The following GALNT13 variants were observed in gnomAD, a reference collection of about 807,000 sequenced individuals.
GALNT13 encodes polypeptide N-acetylgalactosaminyltransferase 13, also known as UDP-GalNAc:polypeptide N-acetylgalactosaminyltransferase 13.
GALNT13 carries 28 observed loss-of-function variants against 64.2 expected under a neutral mutation model. That is an observed-to-expected ratio of 0.44 (90% CI 0.32 to 0.60). The LOEUF (loss-of-function observed/expected upper bound fraction) is 0.60, where lower values mean the gene tolerates loss of function less well. Among genes scored for constraint, GALNT13 ranks in the 20% least tolerant of loss-of-function variants. GALNT13 has a pLI of 0.05. For synonymous variants in GALNT13, 214 were observed against 224.6 expected, an observed-to-expected ratio of 0.95 and a Z score of 0.42; for missense variants, 577 against 669.8, an observed-to-expected ratio of 0.86 and a Z score of 1.53.
the GALNT13 span, among the ~76,000 whole-genome samples, chr2:153,551,923 T>G: frequency 6.6e-6 from 1 of 152,122 alleles, no homozygotes; most frequent in Admixed American, 6.5e-5. Context: ...AAGAGTGAAC[T>G]GAGCCCTGGG....
At chr2:153,989,124 T>C (rs189604847) in intron 3 of GALNT13, among the ~76,000 whole-genome samples, 1 of 152,140 alleles carries the variant, frequency 6.6e-6, no homozygotes, top group African/African-American at 2.4e-5. Context: ...TCAAGGACAT[T>C]TCTAAAGAAT....
chr2:153,648,844 G>A, the GALNT13 span, among the ~76,000 whole-genome samples: 2 of 152,216 alleles, frequency 1.3e-5, no homozygotes, highest in East Asian at 3.9e-4. Context: ...TAAGCTTTTT[G>A]ATGTGTTGCT....
At chr2:153,838,012 T>C in the GALNT13 span, among the ~76,000 whole-genome samples, 3 of 152,092 alleles carry the variant, frequency 2.0e-5, no homozygotes, top group Non-Finnish European at 2.9e-5. Context: ...AATTCTTTGA[T>C]AATTAGTTGA....
At chr2:153,694,733 TAA>T in the GALNT13 span, among the ~76,000 whole-genome samples, 1 of 152,258 alleles carries the variant, frequency 6.6e-6, no homozygotes, top group African/African-American at 2.4e-5. Context: ...TTTGCTTAAG[TAA>T]AAAAATTTTA....
At chr2:153,133,059 T>G in the GALNT13 span, among the ~76,000 whole-genome samples, 1 of 151,228 alleles carries the variant, frequency 6.6e-6, no homozygotes, top group Non-Finnish European at 1.5e-5. Flanking sequence ...TTTTTTTGGT[T>G]TTTGAAACGA....
the GALNT13 span, among the ~76,000 whole-genome samples, chr2:153,512,223 C>G: frequency 2.6e-5 from 4 of 152,106 alleles, no homozygotes; most frequent in African/African-American, 9.7e-5. Flanking sequence ...GAGGATGACC[C>G]TAGAGTTTGT....
chr2:153,493,966 C>T, the GALNT13 span, among the ~76,000 whole-genome samples: 64 of 151,970 alleles, frequency 4.2e-4, no homozygotes, highest in Admixed American at 1.2e-3. Flanking sequence ...TATACAAGCA[C>T]GGCTCCACCA....
At chr2:153,618,834 C>A in the GALNT13 span, among the ~76,000 whole-genome samples, 1 of 151,920 alleles carries the variant, frequency 6.6e-6, no homozygotes, top group African/African-American at 2.4e-5. Context: ...ATAAGTGTAG[C>A]AACTTCTGCT....
At chr2:154,373,341 T>C (rs986727877) in intron 9 of GALNT13, among the ~76,000 whole-genome samples, 1 of 152,186 alleles carries the variant, frequency 6.6e-6, no homozygotes, top group African/African-American at 2.4e-5. Context: ...ACTTGTCATT[T>C]AAATTGAGGC....
chr2:153,162,972 T>G, the GALNT13 span, among the ~76,000 whole-genome samples: 2 of 152,118 alleles, frequency 1.3e-5, no homozygotes, highest in Admixed American at 1.3e-4. Flanking sequence ...CGATTGAAAG[T>G]TGTGGCCTTT....
intron 8 of GALNT13, among the ~76,000 whole-genome samples, chr2:154,283,482 G>C (rs533211654): frequency 8.0e-5 from 12 of 150,346 alleles, no homozygotes; most frequent in Non-Finnish European, 1.3e-4. Context: ...TGAGAGAATG[G>C]TATCTTTAAT....
At chr2:153,259,879 CTTCT>C in the GALNT13 span, among the ~76,000 whole-genome samples, 4 of 152,122 alleles carry the variant, frequency 2.6e-5, no homozygotes, top group South Asian at 8.3e-4. Flanking sequence ...TCTTCTCCTT[CTTCT>C]TTCTTTCCTT....
At chr2:153,109,347 T>C in the GALNT13 span, among the ~76,000 whole-genome samples, 2 of 152,118 alleles carry the variant, frequency 1.3e-5, no homozygotes, top group South Asian at 4.1e-4. Context: ...TTTTGTGGGC[T>C]CCAAGCATTT....
the GALNT13 span, among the ~76,000 whole-genome samples, chr2:153,726,593 A>C: frequency 4.5e-3 from 681 of 152,278 alleles, 7 homozygotes; most frequent in African/African-American, 0.016. Context: ...TTTATTTTAA[A>C]GATATGTACG....
At chr2:154,355,575 T>C (rs758727001) in intron 9 of GALNT13, among the ~76,000 whole-genome samples, 3 of 152,084 alleles carry the variant, frequency 2.0e-5, no homozygotes, top group Admixed American at 6.6e-5. Flanking sequence ...TAATATGATA[T>C]AATAAAAGCT....
At chr2:153,446,938 C>T in the GALNT13 span, 1 of 152,068 alleles carries the variant, frequency 6.6e-6, no homozygotes, top group Non-Finnish European at 1.5e-5. Context: ...TAGAAAATAT[C>T]AGAGTTTATT....
the GALNT13 span, among the ~76,000 whole-genome samples, chr2:153,271,404 TA>T: frequency 6.6e-6 from 1 of 152,192 alleles, no homozygotes; most frequent in Non-Finnish European, 1.5e-5. Flanking sequence ...CTTAAGCTGA[TA>T]AGCAACTTCA....
intron 3 of GALNT13, among the ~76,000 whole-genome samples, chr2:154,026,964 G>C (rs1698011272): frequency 6.6e-6 from 1 of 152,160 alleles, no homozygotes; most frequent in Non-Finnish European, 1.5e-5. Flanking sequence ...TTGTTCTCAG[G>C]AGAAGAGAAG....
At chr2:153,479,373 AAAGG>A in the GALNT13 span, among the ~76,000 whole-genome samples, 1 of 149,022 alleles carries the variant, frequency 6.7e-6, no homozygotes, top group Non-Finnish European at 1.5e-5. Flanking sequence ...AGGAAAGAAA[AAAGG>A]AAGGGAGGGA....
Sources: gnomAD v4.1 joint callset for allele counts (sites outside exome capture counted in the v4.1 genomes callset) on GRCh38, gnomAD v4.1.1 for gene constraint, MANE v1.5 for transcripts, NCBI Gene and HGNC (gene_info 2026-07-23, HGNC 2026-07-21) for gene names.